The following AMER3 variants were observed in gnomAD, a reference collection of about 807,000 sequenced individuals.
The protein encoded by AMER3 is family with sequence similarity 123C.
For synonymous variants in AMER3, 541 were observed against 485.5 expected (o/e 1.11, Z -1.50); for missense variants, 1,201 against 1,139.4 (o/e 1.05, Z -0.78).
chr2:130,761,008 GC>G (rs969712511), intron 1 of AMER3, among the ~76,000 whole-genome samples: 6 of 152,040 alleles, frequency 3.9e-5, no homozygotes, highest in Admixed American at 1.3e-4. Flanking sequence ...CCCTGCAGCC[GC>G]CATCTGCCTT....
At position 130,764,517 on chromosome 2, in the gene AMER3, C is replaced by T. The variant is rs1238030134; in HGVS notation, c.2445C>T (p.Leu815=). The T allele has an allele frequency of 1.2e-6, 2 of 1,602,714 alleles. No individual in the cohort carries two copies. The highest frequency in any genetic ancestry group is 1.7e-6 in the Non-Finnish European group (2 of 1,175,352). Residue 815 remains leucine (L), a synonymous_variant, in exon 2 of 2, where the codon CTC becomes CTT. Transcript: ENST00000321420. The part of the protein sequence containing the change: ...SQGHHPESLG[L]TLNSQQEGGV... ...GCCACCATCCAGAAAGCCTGGGCCT[C>T]ACTTTGAACAGCCAGCAGGAAGGGG...
rs756385870 is a variant in AMER3 at position 130,763,734 on chromosome 2, A to AG, written c.1669dup (p.Ala557GlyfsTer54). ...GCAGGGAGGGCCTGGCCTCAGATGC[A>AG]GGGGGGGCGACAGTTTGCTCAGCAC... On this transcript the variant is annotated frameshift_variant, in exon 2 of 2. Transcript: ENST00000321420. LOFTEE classifies it low-confidence loss of function (END_TRUNC). The AG allele has an allele frequency of 4.9e-5, 78 of 1,580,002 alleles. No homozygotes were observed. Among genetic ancestry groups the AG allele is most frequent in the East Asian group, 6.7e-5 (3 of 44,462 alleles).
Position 130,764,335 on chromosome 2 carries a change from C to T in AMER3, c.2263C>T (p.Leu755Phe), listed in dbSNP as rs1678918163. The change falls in exon 2 of 2, where the codon CTC (leucine) becomes TTC (phenylalanine). Residue 755 changes from leucine (L) to phenylalanine (F), a missense_variant. Coordinates refer to ENST00000321420, the MANE Select transcript of AMER3 (RefSeq NM_152698.3). ...CRDRVQDLSW[L>F]RVEPTGLGVQ... ...AGATCGTGTCCAGGACCTGAGCTGGCTCAGGGTGGAGCCCACCGGGCTAGG... is the reference window on the plus strand; with the variant it reads ...AGATCGTGTCCAGGACCTGAGCTGGTTCAGGGTGGAGCCCACCGGGCTAGG... 6.2e-7 allele frequency: 1 copy of T among 1,609,448 alleles called. No homozygotes were observed. The highest frequency in any genetic ancestry group is 1.1e-5 in the South Asian group (1 of 90,916).
chr2:130,766,174 T>A lies in AMER3; in HGVS notation c.*1516T>A, dbSNP rs1162686650. ...TGTTGGGGACCAGTGTTTGGGATTATGTCTTTTAGAATAATGATCCAAACT... is the reference window on the plus strand; with the variant it reads ...TGTTGGGGACCAGTGTTTGGGATTAAGTCTTTTAGAATAATGATCCAAACT... On this transcript the variant is annotated 3_prime_UTR_variant, in exon 2 of 2. Transcript: ENST00000321420. 3 of 166,922 alleles carry A rather than the reference T, an allele frequency of 1.8e-5. No individual in the cohort carries two copies. The highest frequency in any genetic ancestry group is 4.4e-5 in the Non-Finnish European group (3 of 68,126). 10.3% of individuals were successfully genotyped at this position (166,922 alleles called of 1,614,324 possible).
intron 1 of AMER3, among the ~76,000 whole-genome samples, chr2:130,757,614 C>T (rs1678650215): frequency 6.6e-6 from 1 of 152,208 alleles, no homozygotes; most frequent in African/African-American, 2.4e-5. Flanking sequence ...TCTCTTGCTC[C>T]TCGGGGCCTT....
chr2:130,764,056 C>T lies in AMER3; in HGVS notation c.1984C>T (p.His662Tyr), dbSNP rs752438337. Residue 662 changes from histidine to tyrosine, a missense_variant, in exon 2 of 2, where the codon CAC (histidine) becomes TAC (tyrosine). Physicochemically the swap from His to Tyr is moderately conservative, Grantham distance 83. Coordinates refer to ENST00000321420, the MANE Select transcript of AMER3 (RefSeq NM_152698.3). ...TTTCCGAGGCCCCTGGAGGCCAGGTCACGGAGGTGACACTCTGGATGCAGA... is the reference window on the plus strand; with the variant it reads ...TTTCCGAGGCCCCTGGAGGCCAGGTTACGGAGGTGACACTCTGGATGCAGA... Reference protein sequence around the residue: ...GCFRGPWRPGHGGDTLDAEPM... With the variant: ...GCFRGPWRPGYGGDTLDAEPM... 2.5e-6 allele frequency: 4 copies of T among 1,612,456 alleles called. No individual in the cohort carries two copies. In the South Asian group the frequency reaches 4.4e-5, roughly 18 times the overall value.
At position 130,767,852 on chromosome 2, in the gene AMER3, G is replaced by A. The variant is rs1679027645; in HGVS notation, c.*3194G>A. 5 of 167,178 alleles carry A rather than the reference G, an allele frequency of 3.0e-5. No homozygotes were observed. The allele number at this position is 167,178 out of a possible 1,614,324, so 10.4% of individuals were successfully genotyped here. A position where few individuals can be genotyped will look rare whatever the true frequency, so the allele number is the denominator to read the frequency against. ...CACAGTTATTAGTGTGTGAGGTGATGGGTTTTGTCCCGTCCCAGCTCCAAA... is the reference window on the plus strand; with the variant it reads ...CACAGTTATTAGTGTGTGAGGTGATAGGTTTTGTCCCGTCCCAGCTCCAAA... On this transcript the variant is annotated 3_prime_UTR_variant, in exon 2 of 2. Coordinates refer to ENST00000321420, the MANE Select transcript of AMER3 (RefSeq NM_152698.3).
intron 1 of AMER3, chr2:130,756,366 C>G (rs1260289195): frequency 1.3e-5 from 2 of 151,840 alleles, no homozygotes; most frequent in East Asian, 3.9e-4. Flanking sequence ...CCCTGCTGCA[C>G]TGCGGGCCCC....
chr2:130,755,986 G>C (rs918346999), intron 1 of AMER3: 1 of 152,252 alleles, frequency 6.6e-6, no homozygotes, highest in East Asian at 1.9e-4. Context: ...GCACCTGAGG[G>C]AGGCGCAGCC....
chr2:130,763,757 C>T lies in AMER3; in HGVS notation c.1685C>T (p.Ala562Val). Residue 562 changes from alanine to valine, a missense_variant, in exon 2 of 2, where the codon GCA (alanine) becomes GTA (valine). Coordinates refer to ENST00000321420, the MANE Select transcript of AMER3 (RefSeq NM_152698.3). Reference protein sequence around the residue: ...SDAGGATVCSAPSRQELWAHP... With the variant: ...SDAGGATVCSVPSRQELWAHP... ...GCAGGGGGGGCGACAGTTTGCTCAG[C>T]ACCCAGCAGGCAGGAGCTGTGGGCA... 1.3e-6 allele frequency: 2 copies of T among 1,596,580 alleles called. No homozygotes were observed. The highest frequency in any genetic ancestry group is 1.1e-5 in the South Asian group (1 of 89,340).
rs1048460413 is a variant in AMER3, at chr2:130,767,623, C to G, written c.*2965C>G. On this transcript the variant is annotated 3_prime_UTR_variant, in exon 2 of 2. Coordinates refer to ENST00000321420, the MANE Select transcript of AMER3 (RefSeq NM_152698.3). ...GTGCAGCAAGGCTTCTGACCAGGCC[C>G]GTCCAGATCTGGAGCCCCTGTGGAG... The G allele has an allele frequency of 3.0e-5, 5 of 167,108 alleles. No homozygotes were observed. Among genetic ancestry groups the G allele is most frequent in the Non-Finnish European group, 5.9e-5 (4 of 68,232 alleles). 10.4% of individuals were successfully genotyped at this position (167,108 alleles called of 1,614,324 possible).
intron 1 of AMER3, among the ~76,000 whole-genome samples, chr2:130,758,396 AAAGG>A (rs369758599): frequency 0.038 from 5,708 of 150,208 alleles, 143 homozygotes; most frequent in African/African-American, 0.078. Context: ...GAGAGAAAGG[AAAGG>A]AAGGAAGGAA....
rs1418292139 is a variant in AMER3, at chr2:130,764,987, T to C, written c.*329T>C. ...ATGGGAAGCAGAGAGCCAATGAGTC[T>C]GCCTGGGATGTGTGTGAATCCCAAA... On this transcript the variant is annotated 3_prime_UTR_variant, in exon 2 of 2. Coordinates refer to ENST00000321420, the MANE Select transcript of AMER3 (RefSeq NM_152698.3). 1 of 262,010 alleles carries C rather than the reference T, an allele frequency of 3.8e-6. No homozygotes were observed. Among genetic ancestry groups the C allele is most frequent in the Non-Finnish European group, 7.8e-6 (1 of 128,004 alleles). The allele number at this position is 262,010 out of a possible 1,614,324, so 16.2% of individuals were successfully genotyped here.
chr2:130,760,578 G>A (rs1678746242), intron 1 of AMER3, among the ~76,000 whole-genome samples: 4 of 152,168 alleles, frequency 2.6e-5, no homozygotes, highest in Admixed American at 6.5e-5. Flanking sequence ...TTATGGAGAG[G>A]CGAAGGAGCC....
rs757763628 is a variant in AMER3 at position 130,763,709 on chromosome 2, G to C, written c.1637G>C (p.Gly546Ala). 1.3e-5 allele frequency: 20 copies of C among 1,557,946 alleles called. No individual in the cohort carries two copies. In the South Asian group the frequency reaches 1.8e-4, roughly 14 times the overall value. Residue 546 changes from glycine (G) to alanine (A), a missense_variant, in exon 2 of 2, where the codon GGC (glycine) becomes GCC (alanine). By Grantham distance (60) the Gly-to-Ala change is moderately conservative. Coordinates refer to ENST00000321420, the MANE Select transcript of AMER3 (RefSeq NM_152698.3). ...AGGGCACCCACAGAGAAGCTGGGGG[G>C]CAGGGAGGGCCTGGCCTCAGATGCA... ...APRAPTEKLG[G>A]REGLASDAGG...
At position 130,764,036 on chromosome 2, in the gene AMER3, G is replaced by C. The variant is rs139938098; in HGVS notation, c.1964G>C (p.Arg655Pro). ...CCACCAGGGGTCCTGGGGTGTTTCC[G>C]AGGCCCCTGGAGGCCAGGTCACGGA... Reference protein sequence around the residue: ...PGPPGVLGCFRGPWRPGHGGD... With the variant: ...PGPPGVLGCFPGPWRPGHGGD... The change falls in exon 2 of 2, where the codon CGA becomes CCA. Residue 655 changes from arginine (R) to proline (P), a missense_variant. Coordinates refer to ENST00000321420, the MANE Select transcript of AMER3 (RefSeq NM_152698.3). 189 of 1,612,646 alleles carry C rather than the reference G, an allele frequency of 1.2e-4. 2 individuals carry two copies. The East Asian group carries it at 4.1e-3, about 35-fold the overall frequency.
rs759912616 is a variant in AMER3, at chr2:130,763,854, A to G, written c.1782A>G (p.Thr594=). Residue 594 remains threonine, a synonymous_variant, in exon 2 of 2, where the codon ACA becomes ACG. Coordinates refer to ENST00000321420, the MANE Select transcript of AMER3 (RefSeq NM_152698.3). ...GAGGGGCCACACAAGGGACTGGCAC[A>G]CTGTCCAGGGATGCCTCTCGAGAGG... ...ALGGATQGTG[T]LSRDASREEE... The G allele has an allele frequency of 5.0e-6, 8 of 1,613,362 alleles. No homozygotes were observed. Among genetic ancestry groups the G allele is most frequent in the South Asian group, 2.2e-5 (2 of 91,090 alleles).
chr2:130,757,940 G>C (rs1377498275), intron 1 of AMER3, among the ~76,000 whole-genome samples: 1 of 152,136 alleles, frequency 6.6e-6, no homozygotes. Flanking sequence ...AGACCATCCT[G>C]GCTAACACGG....
At chr2:130,756,904 G>A (rs1168003944) in intron 1 of AMER3, among the ~76,000 whole-genome samples, 1 of 147,106 alleles carries the variant, frequency 6.8e-6, no homozygotes, top group Admixed American at 6.8e-5. Context: ...TACTGAGAAC[G>A]CTATTGCCCC....
Sources: gnomAD v4.1 joint callset for allele counts (sites outside exome capture counted in the v4.1 genomes callset) on GRCh38, gnomAD v4.1.1 for gene constraint, MANE v1.5 for transcripts, NCBI Gene and HGNC (gene_info 2026-07-23, HGNC 2026-07-21) for gene names.